PTPRU: variants seen among roughly 807,000 people sequenced by gnomAD.
PTPRU encodes receptor-type tyrosine-protein phosphatase U.
Under a neutral mutation model 166.3 loss-of-function variants are expected in PTPRU, and 69 were observed. That is an observed-to-expected ratio of 0.41 (90% confidence interval 0.34 to 0.51). The LOEUF (loss-of-function observed/expected upper bound fraction) is 0.51. PTPRU is among the 20% of genes least tolerant of loss of function. The probability of loss-of-function intolerance (pLI) is 0.09; values close to 1 mark genes in which losing one functional copy is unlikely to be tolerated. For missense variants in PTPRU, 1,657 were observed against 2,013.7 expected (o/e 0.82, Z 3.39); for synonymous variants, 793 against 814.0 (o/e 0.97, Z 0.44).
At chr1:29,251,566 G>A (rs114208615) in intron 1 of PTPRU, among the ~76,000 whole-genome samples, 2,878 of 152,312 alleles carry the variant, frequency 0.019, 90 homozygotes, top group African/African-American at 0.066. Context: ...GGGGATCATA[G>A]GACTGTTGTC....
Position 29,258,597 on chromosome 1 carries a change from G to T in PTPRU, c.298G>T (p.Val100Leu), listed in dbSNP as rs1447229400. ...QSLSENDTHC[V>L]QFSYFLYSRD... ...CCTGAGCGAGAATGATACCCACTGT[G>T]TGCAGTTCAGCTACTTCCTGTACAG... The change falls in exon 3 of 30, where the codon GTG (valine) becomes TTG (leucine). Residue 100 changes from valine (V) to leucine (L), a missense_variant. Transcript: ENST00000373779. 1 of 1,614,146 alleles carries T rather than the reference G, an allele frequency of 6.2e-7. No homozygotes were observed. Among genetic ancestry groups the T allele is most frequent in the Non-Finnish European group, 8.5e-7 (1 of 1,180,054 alleles).
At chr1:29,283,099 C>A in intron 12 of PTPRU, 150 bp downstream of exon 12, 1 of 1,146,388 alleles carries the variant, frequency 8.7e-7, no homozygotes, top group Non-Finnish European at 1.2e-6. Context: ...AGCTCCTCCT[C>A]CTACAGCCCA....
In PTPRU at chr1:29,280,284, G is replaced by T; in HGVS notation, c.1868+143G>T. The stretch of plus-strand genomic sequence containing the variant: ...GGGCTTGGAGTGTCTGGAGGAGATT[G>T]TTCTGTGATGCTTGGCAGGCAAGAA... On this transcript the variant is annotated intron_variant, in intron 11 of 29. Coordinates refer to ENST00000373779, the MANE Select transcript of PTPRU (RefSeq NM_133178.4). The surrounding 1 kb of genome is among the most constrained non-coding windows in gnomAD (Gnocchi z 4.2). 1 of 803,538 alleles carries T rather than the reference G, an allele frequency of 1.2e-6. No homozygotes were observed. Among genetic ancestry groups the T allele is most frequent in the Non-Finnish European group, 1.9e-6 (1 of 517,804 alleles). The allele number at this position is 803,538 out of a possible 1,614,324, so 49.8% of individuals were successfully genotyped here.
intron 3 of PTPRU, 137 bp downstream of exon 3, chr1:29,258,913 C>T (rs1482335050): frequency 1.5e-6 from 2 of 1,323,094 alleles, no homozygotes; most frequent in African/African-American, 3.0e-5. Context: ...TGGTCAAGGC[C>T]AGGGGTCAGT....
intron 18 of PTPRU, among the ~76,000 whole-genome samples, chr1:29,305,912 G>A (rs1687369156): frequency 6.6e-6 from 1 of 152,186 alleles, no homozygotes; most frequent in South Asian, 2.1e-4. Flanking sequence ...CACGTACTGA[G>A]TGCCAAGCAC....
chr1:29,296,136 T>C (rs1686871820), intron 15 of PTPRU, among the ~76,000 whole-genome samples: 1 of 152,238 alleles, frequency 6.6e-6, no homozygotes, highest in East Asian at 1.9e-4. Context: ...TTTTTCCCCA[T>C]GTTTTTTTGG....
At chr1:29,300,412 GTTTAAACCAGAA>G (rs1475812912) in intron 15 of PTPRU, among the ~76,000 whole-genome samples, 1 of 152,184 alleles carries the variant, frequency 6.6e-6, no homozygotes, top group African/African-American at 2.4e-5. Flanking sequence ...GTTTGTTTTT[GTTTAAACCAGAA>G]TTTCACAGAC....
chr1:29,240,903 C>T lies in PTPRU; in HGVS notation c.73+4186C>T, dbSNP rs373978876. ...GGGTGGGCGGGTGGGGTCACAGCCTCTGTTCTCACCGCTTGTGCACCGGAG... is the reference window on the plus strand; with the variant it reads ...GGGTGGGCGGGTGGGGTCACAGCCTTTGTTCTCACCGCTTGTGCACCGGAG... On this transcript the variant is annotated intron_variant, in intron 1 of 29. Coordinates refer to ENST00000373779, the MANE Select transcript of PTPRU (RefSeq NM_133178.4). Among the ~76,000 whole-genome samples the T allele has an allele frequency of 2.4e-3, 362 of 152,142 alleles. 4 individuals are homozygous for T. The highest frequency in any genetic ancestry group is 8.3e-3 in the African/African-American group (344 of 41,430).
intron 14 of PTPRU, among the ~76,000 whole-genome samples, chr1:29,289,414 A>G (rs945634098): frequency 5.3e-5 from 8 of 152,084 alleles, no homozygotes; most frequent in African/African-American, 1.9e-4. Flanking sequence ...TGACTGTGTG[A>G]AAGCTCTGCG....
rs1040126172 is a variant in PTPRU, at chr1:29,280,834, C to T, written c.1868+693C>T. On this transcript the variant is annotated intron_variant, in intron 11 of 29. Transcript: ENST00000373779. The surrounding 1 kb of genome is among the most constrained non-coding windows in gnomAD (Gnocchi z 4.2). ...CTGTGTGCACGTACTGTTAGCCAGA[C>T]CCCGTGCTAGGGGCTTTATCTGCAT... 3.3e-5 allele frequency among the ~76,000 whole-genome samples: 5 copies of T among 152,086 alleles called. No homozygotes were observed. The highest frequency in any genetic ancestry group is 1.2e-4 in the African/African-American group (5 of 41,386).
rs893537416 is a variant in PTPRU at position 29,302,149 on chromosome 1, GTA to G, written c.2477-1704_2477-1703del. 2.8e-4 allele frequency among the ~76,000 whole-genome samples: 39 copies of G among 140,732 alleles called. 1 individual carries two copies. Among genetic ancestry groups the G allele is most frequent in the African/African-American group, 2.6e-4 (9 of 35,172 alleles). 92.3% of individuals were successfully genotyped at this position (140,732 alleles called of 152,430 possible). A position where few individuals can be genotyped will look rare whatever the true frequency, so the allele number is the denominator to read the frequency against. On this transcript the variant is annotated intron_variant, in intron 15 of 29. Transcript: ENST00000373779. ...ACCCTGTGCAGGCCTAGGCTAATGT[GTA>G]TGTGTGTGTGTGTGTGTGTGTGTGT...
intron 26 of PTPRU, 107 bp from the exon 27 acceptor site, chr1:29,323,264 T>C: frequency 7.1e-7 from 1 of 1,415,722 alleles, no homozygotes; most frequent in South Asian, 1.4e-5. Context: ...TGGGCCAGGG[T>C]TCGTGGGAGC....
At chr1:29,258,812 G>A (rs1012346348) in intron 3 of PTPRU, 36 bp downstream of exon 3, 6 of 1,535,858 alleles carry the variant, frequency 3.9e-6, no homozygotes, top group Non-Finnish European at 5.3e-6. Flanking sequence ...GCCTGTGCCT[G>A]GAGGTGGGGC....
intron 1 of PTPRU, among the ~76,000 whole-genome samples, chr1:29,250,814 G>A (rs977953356): frequency 1.3e-5 from 2 of 152,240 alleles, no homozygotes; most frequent in Non-Finnish European, 2.9e-5. Flanking sequence ...GGGACCAGGG[G>A]AAGGGGTGAG....
In PTPRU at chr1:29,279,449, C is replaced by T. The variant is rs747324765; in HGVS notation, c.1564-7C>T. ...AGTGCCCACCTGCCTGCCAATCCTG[C>T]CCCCAGATCAGCTACCAGAGCATCG... On this transcript the variant is annotated splice_polypyrimidine_tract_variant and splice_region_variant and intron_variant, in intron 9 of 29. Transcript: ENST00000373779. The surrounding 1 kb of genome is among the most constrained non-coding windows in gnomAD (Gnocchi z 5.2). 1.2e-6 allele frequency: 2 copies of T among 1,613,710 alleles called. No individual in the cohort carries two copies. The highest frequency in any genetic ancestry group is 3.3e-5 in the Admixed American group (2 of 60,024).
In PTPRU at chr1:29,311,713, C is replaced by T; in HGVS notation, c.3026C>T (p.Thr1009Ile). The T allele has an allele frequency of 6.2e-7, 1 of 1,614,202 alleles. No homozygotes were observed. The highest frequency in any genetic ancestry group is 8.5e-7 in the Non-Finnish European group (1 of 1,180,014). The change falls in exon 21 of 30, where the codon ACA becomes ATA. Residue 1009 changes from threonine (T) to isoleucine (I), a missense_variant. By Grantham distance (89) the Thr-to-Ile change is moderately conservative. Coordinates refer to ENST00000373779, the MANE Select transcript of PTPRU (RefSeq NM_133178.4). The surrounding 1 kb of genome is among the most constrained non-coding windows in gnomAD (Gnocchi z 4.1). ...GACATCAAGATTATGCTGGTGAAGA[C>T]AGAGACCCTGGCTGAGTATGTCGTG... ...YGDIKIMLVK[T>I]ETLAEYVVRT...
intron 15 of PTPRU, among the ~76,000 whole-genome samples, chr1:29,303,547 G>C (rs1008488269): frequency 6.6e-6 from 1 of 152,252 alleles, no homozygotes; most frequent in African/African-American, 2.4e-5. Context: ...GCCTTCTGCA[G>C]GTAGCATGGT....
intron 14 of PTPRU, chr1:29,289,834 C>A: frequency 8.8e-7 from 1 of 1,130,444 alleles, no homozygotes; most frequent in African/African-American, 1.5e-5. Flanking sequence ...CCACCCGGTT[C>A]TCTCTGGTCA....
intron 29 of PTPRU, 111 bp downstream of exon 29, chr1:29,325,437 C>T (rs1344634000): frequency 2.0e-6 from 3 of 1,520,728 alleles, no homozygotes; most frequent in Non-Finnish European, 2.7e-6. Flanking sequence ...GGCCTTGGTT[C>T]TAGCCCTGTG....
Sources: allele counts gnomAD v4.1 joint callset (sites outside exome capture counted in the v4.1 genomes callset), GRCh38; gene constraint gnomAD v4.1.1; non-coding constraint Gnocchi (gnomAD v3.1); transcripts MANE v1.5; gene names NCBI Gene and HGNC (gene_info 2026-07-23, HGNC 2026-07-21).